The following GDE1 variants were observed in gnomAD, a reference collection of about 807,000 sequenced individuals.
GDE1 encodes glycerophosphodiester phosphodiesterase 1.
A neutral mutation model predicts 32.2 loss-of-function variants in GDE1; 24 were observed. That is an observed-to-expected ratio of 0.75 (90% CI 0.54 to 1.05). The LOEUF (loss-of-function observed/expected upper bound fraction) is 1.05. Ranked by LOEUF, GDE1 falls within the 50% of genes least tolerant of loss-of-function variation. The probability of loss-of-function intolerance (pLI) is 0.00; values close to 1 mark genes in which losing one functional copy is unlikely to be tolerated. For missense variants in GDE1, 380 were observed against 415.0 expected, an observed-to-expected ratio of 0.92 and a Z score of 0.73; for synonymous variants, 159 against 158.6, an observed-to-expected ratio of 1.00 and a Z score of -0.02.
intron 2 of GDE1, among the ~76,000 whole-genome samples, chr16:19,512,927 T>TGTGTGTG (rs1969335970): frequency 7.3e-6 from 1 of 137,006 alleles, no homozygotes; most frequent in African/African-American, 2.8e-5. Flanking sequence ...TGTATCTGTT[T>TGTGTGTG]TGTGTGTGTG....
In GDE1 at chr16:19,503,636, C is replaced by T. The variant is rs772165443; in HGVS notation, c.849-19G>A. The T allele has an allele frequency of 1.9e-6, 3 of 1,608,356 alleles. No individual in the cohort carries two copies. Among genetic ancestry groups the T allele is most frequent in the Non-Finnish European group, 2.6e-6 (3 of 1,175,706 alleles). On this transcript the variant is annotated intron_variant, in intron 5 of 5. Transcript: ENST00000353258. ...GTAGGCCCTGGGGAAAGAGGAAAGC[C>T]AATCCTGTTAGAATAATAAGCAGCT... is the stretch of plus-strand genomic sequence containing the variant.
At chr16:19,504,821 C>A in intron 5 of GDE1, 60 bp downstream of exon 5, 2 of 1,082,184 alleles carry the variant, frequency 1.8e-6, no homozygotes, top group Middle Eastern at 2.1e-4. Context: ...TTAATCCTTC[C>A]TTTCAAATAA....
At chr16:19,514,929 T>C (rs767957941) in intron 2 of GDE1, among the ~76,000 whole-genome samples, 5 of 151,978 alleles carry the variant, frequency 3.3e-5, no homozygotes, top group Non-Finnish European at 7.4e-5. Flanking sequence ...TAGCTGGGTG[T>C]GGTGGCATGT....
intron 1 of GDE1, 98 bp downstream of exon 1, chr16:19,521,606 T>G: frequency 7.3e-7 from 1 of 1,365,266 alleles, no homozygotes; most frequent in Non-Finnish European, 1.0e-6. Context: ...AATGAGGAAG[T>G]GGGAAGGCCG....
chr16:19,514,613 AAAAT>A (rs1303137469), intron 2 of GDE1, among the ~76,000 whole-genome samples: 4 of 152,230 alleles, frequency 2.6e-5, no homozygotes, highest in Admixed American at 2.0e-4. Context: ...GCAACTGTTT[AAAAT>A]AAATAATGTT....
At chr16:19,504,753 C>A in intron 5 of GDE1, 128 bp downstream of exon 5, 1 of 630,390 alleles carries the variant, frequency 1.6e-6, no homozygotes, top group Non-Finnish European at 2.8e-6. Flanking sequence ...AATTGGTAAT[C>A]CAATTTAGAG....
chr16:19,508,937 C>G (rs1969282769), intron 3 of GDE1, among the ~76,000 whole-genome samples: 1 of 152,186 alleles, frequency 6.6e-6, no homozygotes, highest in African/African-American at 2.4e-5. Context: ...GGCTGAACAC[C>G]CATGAGCACC....
rs1383448001 is a variant in GDE1, at chr16:19,502,128, G to A, written c.*1342C>T. 6.6e-6 allele frequency: 1 copy of A among 152,154 alleles called. No individual in the cohort carries two copies. The highest frequency in any genetic ancestry group is 1.5e-5 in the Non-Finnish European group (1 of 68,030). The allele number at this position is 152,154 out of a possible 1,614,324, so 9.4% of individuals were successfully genotyped here. ...GGGTCATGGGCTCAACAATATAAAG[G>A]CAGATTCAGTGAGGGGTAAGGGTAG... On this transcript the variant is annotated 3_prime_UTR_variant, in exon 6 of 6. Coordinates refer to ENST00000353258, the MANE Select transcript of GDE1 (RefSeq NM_016641.4).
At chr16:19,516,886 C>T (rs1011417848) in intron 2 of GDE1, 128 bp downstream of exon 2, 2 of 711,012 alleles carry the variant, frequency 2.8e-6, no homozygotes, top group Non-Finnish European at 2.3e-6. Context: ...TCATTACTTA[C>T]AAGACCTACG....
intron 3 of GDE1, 128 bp from the exon 4 acceptor site, chr16:19,507,907 T>C: frequency 1.7e-6 from 1 of 578,026 alleles, no homozygotes; most frequent in Non-Finnish European, 3.1e-6. Flanking sequence ...ATGGAGGTAC[T>C]GAAAGTATTG....
chr16:19,512,927 T>TGTGTG (rs1969335970), intron 2 of GDE1, among the ~76,000 whole-genome samples: 1 of 137,006 alleles, frequency 7.3e-6, no homozygotes, highest in Non-Finnish European at 1.5e-5. Context: ...TGTATCTGTT[T>TGTGTG]TGTGTGTGTG....
At chr16:19,510,093 TG>T (rs1844966903) in intron 3 of GDE1, among the ~76,000 whole-genome samples, 1 of 151,954 alleles carries the variant, frequency 6.6e-6, no homozygotes, top group African/African-American at 2.4e-5. Flanking sequence ...GTTGCCCAAA[TG>T]GGGAAAAAAG....
intron 2 of GDE1, among the ~76,000 whole-genome samples, chr16:19,512,082 C>T (rs1367559220): frequency 6.6e-6 from 1 of 151,894 alleles, no homozygotes; most frequent in East Asian, 1.9e-4. Flanking sequence ...GGATAGATAC[C>T]AACTAGTGGG....
intron 3 of GDE1, among the ~76,000 whole-genome samples, chr16:19,509,571 TAATA>T (rs1376719027): frequency 2.0e-5 from 3 of 152,042 alleles, no homozygotes; most frequent in Non-Finnish European, 4.4e-5. Context: ...TTTACTAGAA[TAATA>T]AATTAGTTAC....
At chr16:19,519,791 G>A (rs1969426593) in intron 1 of GDE1, among the ~76,000 whole-genome samples, 1 of 152,164 alleles carries the variant, frequency 6.6e-6, no homozygotes, top group Non-Finnish European at 1.5e-5. Flanking sequence ...TGGATCACTT[G>A]AGGTCAGGAG....
At chr16:19,504,008 T>C (rs1044674086) in intron 5 of GDE1, 26 of 159,582 alleles carry the variant, frequency 1.6e-4, no homozygotes, top group Non-Finnish European at 6.9e-5. Flanking sequence ...GAAAGAACCA[T>C]GTTCCTTCCT....
chr16:19,507,170 A>AAATG (rs1969258836), intron 4 of GDE1, among the ~76,000 whole-genome samples: 1 of 151,350 alleles, frequency 6.6e-6, no homozygotes, highest in Non-Finnish European at 1.5e-5. Flanking sequence ...ATAAATAAAT[A>AAATG]AATAAATAAA....
At chr16:19,508,122 C>G (rs938223456) in intron 3 of GDE1, among the ~76,000 whole-genome samples, 14 of 152,242 alleles carry the variant, frequency 9.2e-5, no homozygotes, top group African/African-American at 3.1e-4. Flanking sequence ...ATGAAAAGTC[C>G]TTTCATACCC....
intron 5 of GDE1, chr16:19,504,568 C>T: frequency 3.8e-6 from 1 of 263,838 alleles, no homozygotes; most frequent in Non-Finnish European, 7.3e-6. Flanking sequence ...GTGGTTCTGC[C>T]CAGGATCCTG....
Sources: allele counts gnomAD v4.1 joint callset (sites outside exome capture counted in the v4.1 genomes callset), GRCh38; gene constraint gnomAD v4.1.1; transcripts MANE v1.5; gene names NCBI Gene and HGNC (gene_info 2026-07-23, HGNC 2026-07-21).